Variants in ITPRID1 observed in about 807,000 individuals in gnomAD.
The protein encoded by ITPRID1 is protein ITPRID1.
ITPRID1 carries 96 observed loss-of-function variants against 95.4 expected under a neutral mutation model. That is an observed-to-expected ratio of 1.01 (90% CI 0.85 to 1.19). ITPRID1 has a LOEUF of 1.19. Ranked by LOEUF, ITPRID1 falls within the 50% of genes most tolerant of loss-of-function variation. ITPRID1 has a pLI of 0.00. For synonymous variants in ITPRID1, 510 were observed against 453.6 expected (o/e 1.12, Z -1.58); for missense variants, 1,339 against 1,252.9 (o/e 1.07, Z -1.04).
intron 1 of ITPRID1, among the ~76,000 whole-genome samples, chr7:31,520,564 T>TGA (rs61620751): frequency 0.012 from 686 of 54,884 alleles, 5 homozygotes; most frequent in African/African-American, 0.053. Flanking sequence ...TGTGTGTGTG[T>TGA]GAGAGAGAGA....
At chr7:31,529,445 C>T (rs186196496) in intron 1 of ITPRID1, 100 of 292,140 alleles carry the variant, frequency 3.4e-4, no homozygotes, top group Admixed American at 1.7e-3. Flanking sequence ...AAAACCACAA[C>T]GGAAACCATT....
intron 5 of ITPRID1, among the ~76,000 whole-genome samples, chr7:31,564,931 G>C (rs1784745510): frequency 6.6e-6 from 1 of 152,128 alleles, no homozygotes; most frequent in Non-Finnish European, 1.5e-5. Context: ...CCACCAGCTT[G>C]CACTTCTCCA....
intron 1 of ITPRID1, among the ~76,000 whole-genome samples, chr7:31,536,196 T>A (rs904895144): frequency 2.6e-5 from 4 of 152,184 alleles, no homozygotes; most frequent in Admixed American, 1.3e-4. Context: ...TTTGATGATA[T>A]CTACTGACTT....
chr7:31,575,420 G>C (rs889255808), intron 8 of ITPRID1, among the ~76,000 whole-genome samples: 14 of 152,166 alleles, frequency 9.2e-5, no homozygotes, highest in African/African-American at 3.4e-4. Context: ...TACTTCTTCA[G>C]CTGGTGGTCA....
At chr7:31,629,054 T>C (rs1345521032) in intron 10 of ITPRID1, among the ~76,000 whole-genome samples, 1 of 152,188 alleles carries the variant, frequency 6.6e-6, no homozygotes, top group African/African-American at 2.4e-5. Flanking sequence ...AACCTATCTA[T>C]TGTCTCAGGT....
intron 10 of ITPRID1, among the ~76,000 whole-genome samples, chr7:31,611,886 T>A (rs1052513376): frequency 6.6e-6 from 1 of 152,058 alleles, no homozygotes; most frequent in South Asian, 2.1e-4. Flanking sequence ...CTGTACATTG[T>A]TTCTCATCAA....
At chr7:31,605,837 G>A (rs1407170391) in intron 10 of ITPRID1, among the ~76,000 whole-genome samples, 4 of 152,204 alleles carry the variant, frequency 2.6e-5, no homozygotes, top group African/African-American at 9.6e-5. Context: ...CAGTGCCAGA[G>A]CAGCTGAGAT....
chr7:31,520,552 TGTGTGTGTGTGTGA>T (rs1291434358), intron 1 of ITPRID1, among the ~76,000 whole-genome samples: 19 of 87,902 alleles, frequency 2.2e-4, no homozygotes, highest in African/African-American at 9.9e-4. Flanking sequence ...TGTGTGTGTG[TGTGTGTGTGTGTGA>T]GAGAGAGAGA....
intron 5 of ITPRID1, among the ~76,000 whole-genome samples, chr7:31,567,651 C>T (rs1429030290): frequency 1.3e-5 from 2 of 151,566 alleles, no homozygotes; most frequent in African/African-American, 2.4e-5. Context: ...GCGCAGTCTC[C>T]GCTCACTGCA....
At chr7:31,540,830 C>T (rs1783910351) in intron 1 of ITPRID1, among the ~76,000 whole-genome samples, 2 of 152,134 alleles carry the variant, frequency 1.3e-5, no homozygotes, top group African/African-American at 4.8e-5. Context: ...TATTTACTTA[C>T]CACTGATCAG....
chr7:31,514,855 G>T (rs1782998495), intron 1 of ITPRID1, among the ~76,000 whole-genome samples: 1 of 151,506 alleles, frequency 6.6e-6, no homozygotes, highest in African/African-American at 2.4e-5. Flanking sequence ...CTATAAACAT[G>T]AATTTTATGT....
At position 31,552,498 on chromosome 7, in the gene ITPRID1, G is replaced by C. The variant is rs185440743; in HGVS notation, c.-23-504G>C. ...TTATTAAAATTCGGTAGAGTGTATC[G>C]CCAGTTTAGAAATAAGGGAATGCAG... On this transcript the variant is annotated intron_variant, in intron 2 of 14. Coordinates refer to ENST00000615280, the MANE Select transcript of ITPRID1 (RefSeq NM_001257967.3). 2.3e-3 allele frequency among the ~76,000 whole-genome samples: 353 copies of C among 152,200 alleles called. 1 individual carries two copies. Among genetic ancestry groups the C allele is most frequent in the African/African-American group, 8.0e-3 (331 of 41,516 alleles).
At chr7:31,569,051 A>C (rs1784894233) in intron 5 of ITPRID1, among the ~76,000 whole-genome samples, 1 of 152,212 alleles carries the variant, frequency 6.6e-6, no homozygotes, top group Non-Finnish European at 1.5e-5. Context: ...CCTCGCACTA[A>C]GTTAGTGCTA....
intron 10 of ITPRID1, among the ~76,000 whole-genome samples, chr7:31,592,170 A>T (rs2159515): frequency 6.6e-6 from 1 of 152,200 alleles, no homozygotes; most frequent in Non-Finnish European, 1.5e-5. Context: ...CTCCCCAGGT[A>T]TATCATCCAC....
rs539357222 is a variant in ITPRID1, at chr7:31,594,192, G to A, written c.1228+11001G>A. On this transcript the variant is annotated intron_variant, in intron 10 of 14. Coordinates refer to ENST00000615280, the MANE Select transcript of ITPRID1 (RefSeq NM_001257967.3). ...ACTGTACAGGTTTGCAGCCTGGGAG[G>A]AATAGGCTATACCATCTAACCTAGG... Among the ~76,000 whole-genome samples, 13 of 152,306 alleles carry A rather than the reference G, an allele frequency of 8.5e-5. No individual in the cohort carries two copies. The South Asian group carries it at 2.5e-3, about 29-fold the overall frequency.
At chr7:31,585,954 G>A (rs1456728538) in intron 10 of ITPRID1, among the ~76,000 whole-genome samples, 1 of 147,140 alleles carries the variant, frequency 6.8e-6, no homozygotes, top group Non-Finnish European at 1.5e-5. Context: ...TCGTCATCTA[G>A]CATTAGGTAT....
At chr7:31,515,603 A>G (rs1245395039) in intron 1 of ITPRID1, among the ~76,000 whole-genome samples, 2 of 152,178 alleles carry the variant, frequency 1.3e-5, no homozygotes, top group African/African-American at 2.4e-5. Flanking sequence ...AAAACAAAAA[A>G]GAGTCAAATG....
At chr7:31,533,774 G>A (rs1031060177) in intron 1 of ITPRID1, among the ~76,000 whole-genome samples, 9 of 151,994 alleles carry the variant, frequency 5.9e-5, no homozygotes, top group African/African-American at 2.2e-4. Context: ...CATTTTTTAG[G>A]TACATTAAGT....
intron 10 of ITPRID1, among the ~76,000 whole-genome samples, chr7:31,609,314 GC>G (rs1786763342): frequency 6.6e-6 from 1 of 151,408 alleles, no homozygotes; most frequent in Non-Finnish European, 1.5e-5. Context: ...AGTAATACTG[GC>G]CCCAGAGAAT....
Sources: allele counts gnomAD v4.1 joint callset (sites outside exome capture counted in the v4.1 genomes callset), GRCh38; gene constraint gnomAD v4.1.1; transcripts MANE v1.5; gene names NCBI Gene and HGNC (gene_info 2026-07-23, HGNC 2026-07-21).